RNF150: variants seen among roughly 807,000 people sequenced by gnomAD.
The protein encoded by RNF150 is ring finger protein 150.
In RNF150, 24 loss-of-function variants were observed where a neutral mutation model predicts 39.3. The ratio of observed to expected loss-of-function variants is 0.61; its 90% CI spans 0.44 to 0.86. The LOEUF (loss-of-function observed/expected upper bound fraction) is 0.86, where lower values mean the gene tolerates loss of function less well. Ranked by LOEUF, RNF150 falls within the 40% of genes least tolerant of loss-of-function variation. The pLI is 0.00. For missense variants in RNF150, 502 were observed against 587.8 expected, an observed-to-expected ratio of 0.85 and a Z score of 1.51; for synonymous variants, 255 against 227.3, an observed-to-expected ratio of 1.12 and a Z score of -1.10.
chr4:141,104,719 A>C (rs74394737), intron 1 of RNF150, among the ~76,000 whole-genome samples: 3,168 of 152,342 alleles, frequency 0.021, 122 homozygotes, highest in African/African-American at 0.072. Flanking sequence ...AAAAATAATG[A>C]CTGCTGAAAT....
At chr4:140,961,611 C>T (rs1386372485) in intron 2 of RNF150, among the ~76,000 whole-genome samples, 4 of 152,088 alleles carry the variant, frequency 2.6e-5, no homozygotes, top group African/African-American at 9.7e-5. Context: ...GAGTGGAACA[C>T]TGGCCATTAA....
At chr4:141,077,463 T>C (rs1304288968) in intron 1 of RNF150, among the ~76,000 whole-genome samples, 3 of 152,200 alleles carry the variant, frequency 2.0e-5, no homozygotes, top group Non-Finnish European at 4.4e-5. Flanking sequence ...ATCTTGCTTG[T>C]GATGGTGCTA....
At chr4:140,990,820 G>T (rs1734170186) in intron 1 of RNF150, among the ~76,000 whole-genome samples, 4 of 152,262 alleles carry the variant, frequency 2.6e-5, no homozygotes, top group Admixed American at 1.3e-4. Context: ...TCTTTTAATA[G>T]CATGATTTAT....
At chr4:141,168,720 C>T (rs1727644589) in intron 1 of RNF150, among the ~76,000 whole-genome samples, 1 of 152,132 alleles carries the variant, frequency 6.6e-6, no homozygotes, top group Non-Finnish European at 1.5e-5. Context: ...CGCATGTTCT[C>T]ACTCATAAAT....
intron 6 of RNF150, among the ~76,000 whole-genome samples, chr4:140,909,717 T>G (rs969313091): frequency 1.3e-5 from 2 of 152,196 alleles, no homozygotes; most frequent in African/African-American, 4.8e-5. Context: ...TGCACCAGTC[T>G]AAACCTTCAA....
At chr4:141,104,911 T>C (rs1321543778) in intron 1 of RNF150, among the ~76,000 whole-genome samples, 1 of 151,192 alleles carries the variant, frequency 6.6e-6, no homozygotes, top group East Asian at 1.9e-4. Context: ...CTCTCTCTCT[T>C]GTGCACACAC....
intron 6 of RNF150, among the ~76,000 whole-genome samples, chr4:140,871,633 G>T (rs1002203644): frequency 2.0e-5 from 3 of 151,612 alleles, no homozygotes; most frequent in South Asian, 2.1e-4. Context: ...TTTCATATGG[G>T]TCCAGCCAAA....
intron 1 of RNF150, among the ~76,000 whole-genome samples, chr4:141,022,981 G>C (rs2110792680): frequency 6.6e-6 from 1 of 152,248 alleles, no homozygotes; most frequent in East Asian, 1.9e-4. Flanking sequence ...ATAAGTGTAA[G>C]AATCTGATCC....
chr4:140,922,773 T>C (rs1731212451), intron 5 of RNF150, among the ~76,000 whole-genome samples: 1 of 151,708 alleles, frequency 6.6e-6, no homozygotes. Context: ...AAAACAGAGA[T>C]ATAGACCAAT....
At position 141,133,356 on chromosome 4, in the gene RNF150, G is replaced by T. The variant is rs891888008; in HGVS notation, c.-548C>A. ...CTCAGGCTGCGGGCGCTGCGCTCCT[G>T]ATCTCGCCGGTGGCTGCGCCTGGGC... On this transcript the variant is annotated 5_prime_UTR_variant, in exon 1 of 7. Coordinates refer to ENST00000515673, the MANE Select transcript of RNF150 (RefSeq NM_020724.2). The T allele has an allele frequency of 2.1e-4, 34 of 165,264 alleles. 1 individual carries two copies. The highest frequency in any genetic ancestry group is 7.9e-4 in the African/African-American group (33 of 41,514). The allele number at this position is 165,264 out of a possible 1,614,324, so 10.2% of individuals were successfully genotyped here.
Position 141,037,222 on chromosome 4 carries a change from T to C in RNF150, c.485-69349A>G, listed in dbSNP as rs538695729. 3.9e-5 allele frequency among the ~76,000 whole-genome samples: 6 copies of C among 152,334 alleles called. No individual in the cohort carries two copies. In the South Asian group the frequency reaches 1.0e-3, roughly 26 times the overall value. ...CGGTATTTCCCTACTAAATTGTCCT[T>C]AGCTTTTTAGAAAGCATAAAATGTA... On this transcript the variant is annotated intron_variant, in intron 1 of 6. Transcript: ENST00000515673.
intron 1 of RNF150, among the ~76,000 whole-genome samples, chr4:141,028,612 T>C (rs1344706171): frequency 2.6e-5 from 4 of 152,242 alleles, no homozygotes; most frequent in African/African-American, 9.6e-5. Context: ...GTATGTATCA[T>C]GTTCTTTAAT....
intron 1 of RNF150, among the ~76,000 whole-genome samples, chr4:141,160,741 T>C (rs1352800827): frequency 1.3e-5 from 2 of 152,170 alleles, no homozygotes; most frequent in Non-Finnish European, 2.9e-5. Context: ...CTCCCACTTC[T>C]TCCTGCTCTA....
chr4:140,870,955 T>G (rs1459851689), intron 6 of RNF150, among the ~76,000 whole-genome samples: 1 of 151,800 alleles, frequency 6.6e-6, no homozygotes, highest in Non-Finnish European at 1.5e-5. Flanking sequence ...AGTGCTCTCC[T>G]TAAACATCAT....
intron 1 of RNF150, among the ~76,000 whole-genome samples, chr4:141,196,550 G>C (rs1258751808): frequency 6.6e-6 from 1 of 152,160 alleles, no homozygotes; most frequent in South Asian, 2.1e-4. Flanking sequence ...GCTCCATTAT[G>C]CTTCCACTAC....
chr4:141,046,224 G>A (rs1011031027), intron 1 of RNF150, among the ~76,000 whole-genome samples: 28 of 152,064 alleles, frequency 1.8e-4, no homozygotes, highest in African/African-American at 4.8e-4. Context: ...ATGAAGTTTC[G>A]TCTCTCCATG....
intron 4 of RNF150, among the ~76,000 whole-genome samples, chr4:140,942,483 C>G (rs1422125330): frequency 6.6e-6 from 1 of 152,188 alleles, no homozygotes; most frequent in Non-Finnish European, 1.5e-5. Flanking sequence ...ACCACCTCCC[C>G]CTGTTCCCAA....
intron 1 of RNF150, among the ~76,000 whole-genome samples, chr4:141,085,998 AT>A (rs1738347763): frequency 6.6e-6 from 1 of 151,042 alleles, no homozygotes; most frequent in Non-Finnish European, 1.5e-5. Flanking sequence ...CTTAATGCTA[AT>A]GGAGCTTAAA....
intron 1 of RNF150, among the ~76,000 whole-genome samples, chr4:141,098,895 G>A (rs1738903991): frequency 6.6e-6 from 1 of 152,088 alleles, no homozygotes; most frequent in Non-Finnish European, 1.5e-5. Flanking sequence ...TGCAGAAAAT[G>A]GTTCTGAAAG....
Sources: allele counts gnomAD v4.1 joint callset (sites outside exome capture counted in the v4.1 genomes callset), GRCh38; gene constraint gnomAD v4.1.1; transcripts MANE v1.5; gene names NCBI Gene and HGNC (gene_info 2026-07-23, HGNC 2026-07-21).